The following PTPRD variants were observed in gnomAD, a reference collection of about 807,000 sequenced individuals.
The protein encoded by PTPRD is receptor-type tyrosine-protein phosphatase delta.
A neutral mutation model predicts 214.5 loss-of-function variants in PTPRD; 34 were observed. The ratio of observed to expected loss-of-function variants is 0.16; its 90% CI spans 0.12 to 0.21. The LOEUF is 0.21. Ranked by LOEUF, PTPRD falls within the 10% of genes least tolerant of loss-of-function variation. PTPRD has a pLI of 1.00. For synonymous variants in PTPRD, 1,128 were observed against 845.7 expected, an observed-to-expected ratio of 1.33 and a Z score of -5.79; for missense variants, 2,545 against 2,398.7, an observed-to-expected ratio of 1.06 and a Z score of -1.27.
intron 2 of PTPRD, among the ~76,000 whole-genome samples, chr9:10,375,471 TGAG>T (rs771380175): frequency 5.9e-5 from 9 of 152,028 alleles, no homozygotes; most frequent in South Asian, 4.1e-4. Context: ...TTATAGCAAG[TGAG>T]GAGAAGATAT....
At chr9:8,359,109 A>AG (rs2077739410) in intron 39 of PTPRD, among the ~76,000 whole-genome samples, 1 of 27,866 alleles carries the variant, frequency 3.6e-5, no homozygotes, top group African/African-American at 9.8e-5. Context: ...CTCCGTCTCA[A>AG]AAAAAAAAAA....
At chr9:8,418,219 C>CTTTTTTTTTTTTTTTTT (rs370640821) in intron 35 of PTPRD, among the ~76,000 whole-genome samples, 4 of 150,184 alleles carry the variant, frequency 2.7e-5, no homozygotes, top group African/African-American at 4.9e-5. Flanking sequence ...CTTTCTTATC[C>CTTTTTTTTTTTTTTTTT]TTTTCTTTTT....
At chr9:9,701,138 G>A (rs2097492007) in intron 7 of PTPRD, among the ~76,000 whole-genome samples, 1 of 152,104 alleles carries the variant, frequency 6.6e-6, no homozygotes, top group South Asian at 2.1e-4. Flanking sequence ...ATTGAGAGAT[G>A]TGTATAACCC....
At chr9:9,769,164 G>A (rs2098730982) in intron 5 of PTPRD, among the ~76,000 whole-genome samples, 1 of 152,004 alleles carries the variant, frequency 6.6e-6, no homozygotes, top group Non-Finnish European at 1.5e-5. Flanking sequence ...AAACGACTAT[G>A]AGCTTAATAA....
intron 34 of PTPRD, among the ~76,000 whole-genome samples, chr9:8,442,498 T>G (rs924093076): frequency 6.6e-6 from 1 of 152,174 alleles, no homozygotes; most frequent in Non-Finnish European, 1.5e-5. Flanking sequence ...TAACAGTCTC[T>G]TCATGATTTT....
chr9:10,154,646 G>A (rs1330642427), intron 3 of PTPRD, among the ~76,000 whole-genome samples: 1 of 151,680 alleles, frequency 6.6e-6, no homozygotes, highest in Non-Finnish European at 1.5e-5. Flanking sequence ...TCTATATGGG[G>A]TCCAGTTTCA....
At chr9:9,230,498 T>C (rs2099962434) in intron 9 of PTPRD, among the ~76,000 whole-genome samples, 1 of 152,122 alleles carries the variant, frequency 6.6e-6, no homozygotes, top group Non-Finnish European at 1.5e-5. Context: ...ATCCCCAATT[T>C]ATAGCTAGTC....
In PTPRD at chr9:8,580,415, T is replaced by C. The variant is rs530609377; in HGVS notation, c.353-51636A>G. On this transcript the variant is annotated intron_variant, in intron 14 of 45. Coordinates refer to ENST00000381196, the MANE Select transcript of PTPRD (RefSeq NM_002839.4). ...GCAATTAAGTTTCTCTTGTAGAATA[T>C]AGACCCAAGGTATGAGAATTTTCTT... Among the ~76,000 whole-genome samples, 31 of 152,320 alleles carry C rather than the reference T, an allele frequency of 2.0e-4. No homozygotes were observed. The South Asian group carries it at 2.3e-3, about 11-fold the overall frequency.
intron 5 of PTPRD, among the ~76,000 whole-genome samples, chr9:9,888,125 C>G (rs114481873): frequency 1.3e-5 from 2 of 152,132 alleles, no homozygotes; most frequent in African/African-American, 2.4e-5. Flanking sequence ...AAGGGAAGAT[C>G]AAATCTCTCA....
chr9:9,599,900 T>A (rs2093627275), intron 7 of PTPRD, among the ~76,000 whole-genome samples: 1 of 152,080 alleles, frequency 6.6e-6, no homozygotes, highest in African/African-American at 2.4e-5. Flanking sequence ...AATTTAAGGA[T>A]ATTAAAGATC....
chr9:10,426,516 G>C (rs1460063928), intron 2 of PTPRD, among the ~76,000 whole-genome samples: 3 of 151,932 alleles, frequency 2.0e-5, no homozygotes, highest in Admixed American at 1.3e-4. Flanking sequence ...TCATGGCTTT[G>C]TTTAAAAGCC....
chr9:9,291,408 A>G (rs967154235), intron 9 of PTPRD, among the ~76,000 whole-genome samples: 1 of 151,454 alleles, frequency 6.6e-6, no homozygotes, highest in Non-Finnish European at 1.5e-5. Context: ...GATGCCCCCA[A>G]CGGAGGTGCA....
intron 8 of PTPRD, among the ~76,000 whole-genome samples, chr9:9,547,122 T>C (rs1027975938): frequency 1.3e-5 from 2 of 152,020 alleles, no homozygotes; most frequent in Non-Finnish European, 2.9e-5. Flanking sequence ...ACAAATGCCA[T>C]ACCAAACTTA....
intron 3 of PTPRD, among the ~76,000 whole-genome samples, chr9:10,242,486 C>G (rs929146207): frequency 1.3e-5 from 2 of 151,892 alleles, no homozygotes; most frequent in African/African-American, 4.8e-5. Flanking sequence ...ATCACAGGTA[C>G]CAACGTTCAG....
chr9:9,850,701 C>T (rs1290226651), intron 5 of PTPRD, among the ~76,000 whole-genome samples: 1 of 152,040 alleles, frequency 6.6e-6, no homozygotes, highest in African/African-American at 2.4e-5. Context: ...AAAATCTACT[C>T]TCTAAGCAAT....
chr9:8,595,188 T>A (rs1287494229), intron 14 of PTPRD, among the ~76,000 whole-genome samples: 2 of 149,766 alleles, frequency 1.3e-5, no homozygotes, highest in Non-Finnish European at 3.0e-5. Context: ...TTTTTTTTTT[T>A]ATGGCAAATT....
intron 3 of PTPRD, among the ~76,000 whole-genome samples, chr9:10,036,729 A>G (rs1276591440): frequency 6.6e-6 from 1 of 151,852 alleles, no homozygotes; most frequent in African/African-American, 2.4e-5. Flanking sequence ...GATTACAGGC[A>G]CGTGCCACCA....
chr9:8,365,620 T>G (rs936965421), intron 39 of PTPRD, among the ~76,000 whole-genome samples: 6 of 151,826 alleles, frequency 4.0e-5, no homozygotes, highest in African/African-American at 1.5e-4. Context: ...CACTCAGAGG[T>G]AGAATAAATG....
At chr9:9,887,133 G>A (rs933600502) in intron 5 of PTPRD, among the ~76,000 whole-genome samples, 1 of 152,136 alleles carries the variant, frequency 6.6e-6, no homozygotes, top group East Asian at 1.9e-4. Context: ...TTGGTGGCAA[G>A]TCATTTCTTC....
Sources: allele counts gnomAD v4.1 joint callset (sites outside exome capture counted in the v4.1 genomes callset), GRCh38; gene constraint gnomAD v4.1.1; transcripts MANE v1.5; gene names NCBI Gene and HGNC (gene_info 2026-07-23, HGNC 2026-07-21).